The following BBX variants were observed in gnomAD, a reference collection of about 807,000 sequenced individuals.
BBX encodes the protein HMG box transcription factor BBX.
A neutral mutation model predicts 100.2 loss-of-function variants in BBX; 30 were observed. The ratio of observed to expected loss-of-function variants is 0.30; its 90% CI spans 0.22 to 0.41. BBX has a LOEUF of 0.41. BBX is among the 10% of genes least tolerant of loss of function. The probability of loss-of-function intolerance (pLI) is 1.00; values close to 1 mark genes in which losing one functional copy is unlikely to be tolerated. For synonymous variants in BBX, 376 were observed against 388.1 expected (o/e 0.97, Z 0.37); for missense variants, 1,023 against 1,129.8 (o/e 0.91, Z 1.35).
chr3:107,544,781 G>A (rs1330450364), intron 2 of BBX, among the ~76,000 whole-genome samples: 3 of 150,740 alleles, frequency 2.0e-5, no homozygotes, highest in Non-Finnish European at 3.0e-5. Context: ...CAAGGCGGGC[G>A]GATCACGAGG....
At chr3:107,588,199 T>C (rs1403738327) in intron 2 of BBX, among the ~76,000 whole-genome samples, 2 of 152,120 alleles carry the variant, frequency 1.3e-5, no homozygotes, top group South Asian at 2.1e-4. Flanking sequence ...AAGGTTCTGC[T>C]TGGTCAGCTA....
intron 2 of BBX, among the ~76,000 whole-genome samples, chr3:107,600,035 A>T (rs915134589): frequency 6.6e-6 from 1 of 152,216 alleles, no homozygotes; most frequent in African/African-American, 2.4e-5. Flanking sequence ...CTAAAGTGAA[A>T]GTTTTAAAGT....
chr3:107,764,100 C>A (rs1473352435), intron 10 of BBX, among the ~76,000 whole-genome samples: 1 of 152,182 alleles, frequency 6.6e-6, no homozygotes. Flanking sequence ...TCAAGCGATT[C>A]TCCTGCCTCA....
At chr3:107,633,829 G>T (rs1315190930) in intron 2 of BBX, among the ~76,000 whole-genome samples, 1 of 152,200 alleles carries the variant, frequency 6.6e-6, no homozygotes, top group Non-Finnish European at 1.5e-5. Flanking sequence ...AAAAGGATGT[G>T]AAAAGAGCAC....
At chr3:107,667,778 G>A (rs1373774292) in intron 3 of BBX, among the ~76,000 whole-genome samples, 2 of 151,918 alleles carry the variant, frequency 1.3e-5, no homozygotes. Context: ...TCTAAAAATA[G>A]ATTTATCTAT....
chr3:107,777,630 G>A (rs1027044003), intron 12 of BBX, among the ~76,000 whole-genome samples: 1 of 152,162 alleles, frequency 6.6e-6, no homozygotes, highest in Admixed American at 6.6e-5. Flanking sequence ...GGACCCTAGA[G>A]ACAGTCAGCA....
intron 2 of BBX, among the ~76,000 whole-genome samples, chr3:107,634,928 T>G (rs997441888): frequency 6.6e-6 from 1 of 152,196 alleles, no homozygotes; most frequent in Non-Finnish European, 1.5e-5. Context: ...ATGGTAGAGC[T>G]CAGTAGTTTG....
At chr3:107,585,615 C>G (rs2052774256) in intron 2 of BBX, among the ~76,000 whole-genome samples, 1 of 152,106 alleles carries the variant, frequency 6.6e-6, no homozygotes, top group African/African-American at 2.4e-5. Flanking sequence ...AAATACTATC[C>G]TATTTCTTTA....
intron 2 of BBX, among the ~76,000 whole-genome samples, chr3:107,555,992 C>T (rs945233057): frequency 2.0e-5 from 3 of 152,060 alleles, no homozygotes; most frequent in Non-Finnish European, 4.4e-5. Flanking sequence ...GGCATTATGG[C>T]AAGTAGGAGG....
chr3:107,648,763 A>G (rs935766714), intron 3 of BBX, among the ~76,000 whole-genome samples: 2 of 152,330 alleles, frequency 1.3e-5, no homozygotes, highest in Non-Finnish European at 1.5e-5. Flanking sequence ...TAGCACATAG[A>G]ACTCCTCAGC....
chr3:107,796,016 C>T (rs2069619503), intron 15 of BBX, among the ~76,000 whole-genome samples: 1 of 152,116 alleles, frequency 6.6e-6, no homozygotes, highest in South Asian at 2.1e-4. Context: ...GTTGTTGTTG[C>T]CCCTGGCCAG....
At chr3:107,629,051 A>G (rs1484986952) in intron 2 of BBX, among the ~76,000 whole-genome samples, 2 of 145,456 alleles carry the variant, frequency 1.4e-5, no homozygotes, top group Non-Finnish European at 3.0e-5. Flanking sequence ...GAAGCTTGCA[A>G]TTTCTAAGGT....
intron 2 of BBX, among the ~76,000 whole-genome samples, chr3:107,576,324 G>T (rs971085556): frequency 2.0e-5 from 3 of 152,138 alleles, no homozygotes; most frequent in Non-Finnish European, 4.4e-5. Context: ...TTTTATGATT[G>T]TATTGGCACA....
intron 2 of BBX, among the ~76,000 whole-genome samples, chr3:107,631,248 C>T (rs897403977): frequency 2.0e-5 from 3 of 152,188 alleles, no homozygotes; most frequent in African/African-American, 7.2e-5. Flanking sequence ...TTAGGCTCAT[C>T]CTAGGCACAT....
intron 2 of BBX, among the ~76,000 whole-genome samples, chr3:107,610,809 A>T (rs2054793225): frequency 1.3e-5 from 2 of 149,358 alleles, no homozygotes; most frequent in Admixed American, 1.3e-4. Context: ...TTAAGCATTT[A>T]ATCACTATGT....
At chr3:107,719,759 T>C (rs918739230) in intron 5 of BBX, among the ~76,000 whole-genome samples, 7 of 152,074 alleles carry the variant, frequency 4.6e-5, no homozygotes, top group African/African-American at 1.7e-4. Flanking sequence ...AATGTGTGAC[T>C]GCCCGTTAGG....
intron 13 of BBX, among the ~76,000 whole-genome samples, chr3:107,784,658 T>C (rs1258261225): frequency 6.6e-6 from 1 of 151,660 alleles, no homozygotes; most frequent in Non-Finnish European, 1.5e-5. Flanking sequence ...TAAAGCAAAC[T>C]TAGAGGGAGA....
chr3:107,712,420 A>G (rs71319272), intron 4 of BBX, among the ~76,000 whole-genome samples: 12,354 of 152,062 alleles, frequency 0.081, 689 homozygotes, highest in Non-Finnish European at 0.12. Context: ...TCTTCTCCCA[A>G]CCTTCTCCTG....
At chr3:107,793,578 A>G (rs1211637884) in intron 15 of BBX, among the ~76,000 whole-genome samples, 1 of 152,180 alleles carries the variant, frequency 6.6e-6, no homozygotes, top group African/African-American at 2.4e-5. Context: ...TCTCTCGTCT[A>G]TGACTATATC....
Sources: allele counts gnomAD v4.1 joint callset (sites outside exome capture counted in the v4.1 genomes callset), GRCh38; gene constraint gnomAD v4.1.1; transcripts MANE v1.5; gene names NCBI Gene and HGNC (gene_info 2026-07-23, HGNC 2026-07-21).